Variants in ZNF385B observed in about 807,000 individuals in gnomAD.
ZNF385B encodes zinc finger protein 385B.
A neutral mutation model predicts 39.2 loss-of-function variants in ZNF385B; 23 were observed. The observed-to-expected ratio is 0.59, with a 90% CI of 0.42 to 0.83. The LOEUF (loss-of-function observed/expected upper bound fraction) is 0.83. ZNF385B is among the 40% of genes least tolerant of loss of function. ZNF385B has a pLI of 0.00. For synonymous variants in ZNF385B, 205 were observed against 222.6 expected (o/e 0.92, Z 0.70); for missense variants, 552 against 598.9 (o/e 0.92, Z 0.82).
chr2:179,739,036 C>T (rs143955767), intron 3 of ZNF385B, among the ~76,000 whole-genome samples: 32 of 152,280 alleles, frequency 2.1e-4, no homozygotes, highest in African/African-American at 7.5e-4. Flanking sequence ...GCATGGATTC[C>T]ACCACCACTG....
At chr2:179,691,875 T>C (rs2203461) in intron 3 of ZNF385B, among the ~76,000 whole-genome samples, 108,731 of 151,906 alleles carry the variant, frequency 0.72, 41,269 homozygotes, top group Non-Finnish European at 0.85. Context: ...AAAATTATTA[T>C]GAATACATAA....
intron 3 of ZNF385B, among the ~76,000 whole-genome samples, chr2:179,668,064 T>G (rs1317744872): frequency 6.6e-6 from 1 of 152,156 alleles, no homozygotes; most frequent in Admixed American, 6.5e-5. Flanking sequence ...TAATCACAAG[T>G]GATGGTACTC....
chr2:179,781,373 A>G (rs765020126), intron 1 of ZNF385B, among the ~76,000 whole-genome samples: 54 of 152,192 alleles, frequency 3.5e-4, no homozygotes, highest in Non-Finnish European at 6.0e-4. Flanking sequence ...GATTTATGAC[A>G]ATACTGACAA....
At chr2:179,542,211 T>C (rs542969335) in intron 4 of ZNF385B, among the ~76,000 whole-genome samples, 1 of 152,254 alleles carries the variant, frequency 6.6e-6, no homozygotes, top group East Asian at 1.9e-4. Context: ...TAATTTAAAT[T>C]GCAACTCACA....
At chr2:179,689,421 G>C (rs58011887) in intron 3 of ZNF385B, among the ~76,000 whole-genome samples, 11,698 of 152,122 alleles carry the variant, frequency 0.077, 609 homozygotes, top group East Asian at 0.21. Context: ...GTCCAGTATT[G>C]GGCTAACATC....
chr2:179,771,542 T>C (rs1317121929), intron 1 of ZNF385B, among the ~76,000 whole-genome samples: 4 of 152,198 alleles, frequency 2.6e-5, no homozygotes, highest in South Asian at 2.1e-4. Flanking sequence ...GCTCAAACTA[T>C]GCAGAAATCA....
At chr2:179,758,779 A>G (rs1703195255) in intron 3 of ZNF385B, among the ~76,000 whole-genome samples, 1 of 152,212 alleles carries the variant, frequency 6.6e-6, no homozygotes, top group Non-Finnish European at 1.5e-5. Flanking sequence ...GAAGCCATCT[A>G]AAACCATCTA....
At chr2:179,620,177 A>G (rs890683604) in intron 3 of ZNF385B, among the ~76,000 whole-genome samples, 3 of 152,174 alleles carry the variant, frequency 2.0e-5, no homozygotes, top group Admixed American at 1.3e-4. Context: ...TCCCCCAGAA[A>G]CTAGCTAGAC....
At chr2:179,815,497 G>A (rs1707007516) in intron 1 of ZNF385B, among the ~76,000 whole-genome samples, 1 of 145,530 alleles carries the variant, frequency 6.9e-6, no homozygotes, top group Non-Finnish European at 1.5e-5. Context: ...AACTATACCG[G>A]TATTTCTGTT....
chr2:179,840,139 A>T (rs78793356), intron 1 of ZNF385B, among the ~76,000 whole-genome samples: 7,886 of 152,252 alleles, frequency 0.052, 376 homozygotes, highest in African/African-American at 0.13. Flanking sequence ...CACATTACAG[A>T]TATATTTATA....
At position 179,444,922 on chromosome 2, in the gene ZNF385B, T is replaced by C. The variant is rs2049318924; in HGVS notation, c.1196A>G (p.Lys399Arg). 7.4e-6 allele frequency: 12 copies of C among 1,614,202 alleles called. No individual in the cohort carries two copies. Among genetic ancestry groups the C allele is most frequent in the Non-Finnish European group, 9.3e-6 (11 of 1,180,008 alleles). ...CTGGAGTTTGTTGTAAGGGCTGTAT[T>C]TTGGCTTCAGTGGTTTCCCTGCAAC... ...DRVAGKPLKP[K>R]YSPYNKLQRS... The change falls in exon 9 of 10, where the codon AAA (lysine) becomes AGA (arginine). Residue 399 changes from lysine (K) to arginine (R), a missense_variant. Physicochemically the swap from Lys to Arg is conservative, Grantham distance 26 (BLOSUM62 2). Coordinates refer to ENST00000410066, the MANE Select transcript of ZNF385B (RefSeq NM_152520.6).
chr2:179,702,236 C>G (rs1292492912), intron 3 of ZNF385B, among the ~76,000 whole-genome samples: 2 of 151,908 alleles, frequency 1.3e-5, no homozygotes, highest in African/African-American at 4.8e-5. Context: ...ATAAATCATA[C>G]CCAAATTATT....
chr2:179,522,808 GA>G, intron 4 of ZNF385B: 1 of 352,302 alleles, frequency 2.8e-6, no homozygotes, highest in South Asian at 2.4e-5. Context: ...AATTCATTAG[GA>G]AATAATACTA....
chr2:179,843,589 T>C (rs1708654694), intron 1 of ZNF385B, among the ~76,000 whole-genome samples: 1 of 152,238 alleles, frequency 6.6e-6, no homozygotes, highest in Non-Finnish European at 1.5e-5. Flanking sequence ...AAATCTTCAA[T>C]GCTGTTAAAT....
At chr2:179,560,302 G>A (rs73976409) in intron 3 of ZNF385B, among the ~76,000 whole-genome samples, 23,772 of 152,008 alleles carry the variant, frequency 0.16, 1,954 homozygotes, top group African/African-American at 0.18. Context: ...AAGGAATGGA[G>A]ATATTTTCTT....
chr2:179,571,236 G>T (rs779643834), intron 3 of ZNF385B, among the ~76,000 whole-genome samples: 8 of 152,166 alleles, frequency 5.3e-5, no homozygotes, highest in Admixed American at 2.0e-4. Flanking sequence ...TATGGAGGAA[G>T]AAATTGAGGT....
At chr2:179,607,182 G>A (rs934043332) in intron 3 of ZNF385B, among the ~76,000 whole-genome samples, 4 of 152,154 alleles carry the variant, frequency 2.6e-5, no homozygotes, top group African/African-American at 7.2e-5. Context: ...ATTCACAAAT[G>A]CACCACATGT....
chr2:179,471,364 A>C (rs1450416770), intron 6 of ZNF385B, among the ~76,000 whole-genome samples: 1 of 152,244 alleles, frequency 6.6e-6, no homozygotes, highest in Admixed American at 6.5e-5. Context: ...TTGTCACACT[A>C]AACAGGAGTT....
intron 3 of ZNF385B, among the ~76,000 whole-genome samples, chr2:179,710,092 G>A (rs1164868117): frequency 2.6e-5 from 4 of 152,134 alleles, no homozygotes; most frequent in Admixed American, 1.3e-4. Context: ...TGAACGGACT[G>A]TTGATGCAAC....
Sources: allele counts gnomAD v4.1 joint callset (sites outside exome capture counted in the v4.1 genomes callset), GRCh38; gene constraint gnomAD v4.1.1; transcripts MANE v1.5; gene names NCBI Gene and HGNC (gene_info 2026-07-23, HGNC 2026-07-21).